Variants in PRKACB observed in about 807,000 individuals in gnomAD.
The protein encoded by PRKACB is cAMP-dependent protein kinase catalytic subunit beta.
Under a neutral mutation model 51.4 loss-of-function variants are expected in PRKACB, and 16 were observed. That is an observed-to-expected ratio of 0.31 (90% CI 0.21 to 0.47). PRKACB has a LOEUF of 0.47. Ranked by LOEUF, PRKACB falls within the 20% of genes least tolerant of loss-of-function variation. The pLI, the probability that PRKACB is intolerant of heterozygous loss-of-function variation, is 1.00. For missense variants in PRKACB, 309 were observed against 464.5 expected (o/e 0.67, Z 3.08); for synonymous variants, 147 against 154.4 (o/e 0.95, Z 0.35).
intron 1 of PRKACB, among the ~76,000 whole-genome samples, chr1:84,125,810 C>T (rs1387562557): frequency 1.3e-5 from 2 of 152,134 alleles, no homozygotes; most frequent in Admixed American, 6.5e-5. Context: ...TTGAAATCTC[C>T]ATTTGTATGT....
At chr1:84,102,315 A>G (rs1030880814) in intron 1 of PRKACB, among the ~76,000 whole-genome samples, 4 of 152,100 alleles carry the variant, frequency 2.6e-5, no homozygotes, top group Non-Finnish European at 5.9e-5. Context: ...TGAATCTGGG[A>G]GGCGGAGGTT....
chr1:84,202,955 G>T, intron 8 of PRKACB, 150 bp downstream of exon 8: 1 of 741,818 alleles, frequency 1.3e-6, no homozygotes, highest in African/African-American at 1.8e-5. Flanking sequence ...CATAAGAATT[G>T]AATCATTTCA....
intron 9 of PRKACB, among the ~76,000 whole-genome samples, chr1:84,233,536 C>A: frequency 2.6e-5 from 3 of 117,092 alleles, no homozygotes; most frequent in African/African-American, 1.0e-4. Flanking sequence ...TTCTCCCCAT[C>A]ACTTTCAGGT....
Position 84,080,614 on chromosome 1 carries a change from G to A in PRKACB, c.46+2243G>A, listed in dbSNP as rs183680816. ...GTTATCAGGTATATGTTGCTGTTCT[G>A]TAGTGAACAAAGAAATTGTATTTTA... On this transcript the variant is annotated intron_variant, in intron 1 of 8. Transcript: ENST00000370688. Among the ~76,000 whole-genome samples the A allele has an allele frequency of 2.6e-5, 4 of 152,290 alleles. No homozygotes were observed. The East Asian group carries it at 7.7e-4, about 29-fold the overall frequency.
chr1:84,078,275 G>GGCCCCA (rs1198775464), exon 1 of PRKACB: 1 of 1,537,518 alleles, frequency 6.5e-7, no homozygotes, highest in South Asian at 1.2e-5. Context: ...TGGCGGGCAC[G>GGCCCCA]GCCCCAGCCC....
intron 1 of PRKACB, among the ~76,000 whole-genome samples, chr1:84,139,012 GA>G (rs1193431812): frequency 2.7e-5 from 4 of 150,222 alleles, no homozygotes; most frequent in Admixed American, 1.3e-4. Flanking sequence ...ACTAACCCAG[GA>G]AAAAAAAAGG....
chr1:84,144,541 C>T lies in PRKACB; in HGVS notation c.180C>T (p.Asp60=), dbSNP rs764442698. ...LHFSEHTALW[D]RSMKEFLAKA... The stretch of plus-strand genomic sequence containing the variant: ...TCTCTGAACATACTGCCTTATGGGA[C>T]AGATCAAGTAAGTTTTGTTTTTTAA... Residue 60 remains aspartate (D), a synonymous_variant, in exon 1 of 10, where the codon GAC becomes GAT. Transcript: ENST00000370685. 6.3e-7 allele frequency: 1 copy of T among 1,579,612 alleles called. No individual in the cohort carries two copies. The highest frequency in any genetic ancestry group is 1.2e-5 in the South Asian group (1 of 85,204).
intron 9 of PRKACB, among the ~76,000 whole-genome samples, chr1:84,231,487 G>T (rs1436635103): frequency 6.6e-6 from 1 of 152,222 alleles, no homozygotes. Context: ...AATAGTTTCA[G>T]AAGGAATGGT....
intron 1 of PRKACB, among the ~76,000 whole-genome samples, chr1:84,116,241 T>C (rs1275035124): frequency 6.6e-6 from 1 of 152,176 alleles, no homozygotes; most frequent in Non-Finnish European, 1.5e-5. Context: ...GTTTGGGTTA[T>C]TATAGCCTTC....
chr1:84,132,274 G>C (rs1652308498), intron 1 of PRKACB, among the ~76,000 whole-genome samples: 1 of 118,270 alleles, frequency 8.5e-6, no homozygotes, highest in Non-Finnish European at 2.1e-5. Flanking sequence ...AGAGTTGCAA[G>C]AATGGACTCT....
At chr1:84,171,527 T>C (rs772890812) in intron 1 of PRKACB, among the ~76,000 whole-genome samples, 23 of 151,626 alleles carry the variant, frequency 1.5e-4, no homozygotes, top group Non-Finnish European at 3.0e-4. Flanking sequence ...TTCCAGAGCA[T>C]TGAAAAAGAG....
At chr1:84,148,812 T>C (rs1474811793) in intron 1 of PRKACB, among the ~76,000 whole-genome samples, 1 of 152,208 alleles carries the variant, frequency 6.6e-6, no homozygotes, top group Non-Finnish European at 1.5e-5. Flanking sequence ...AATCATTCCA[T>C]GAGCCATTTA....
At chr1:84,130,503 A>G (rs1217894903) in intron 1 of PRKACB, among the ~76,000 whole-genome samples, 1 of 152,218 alleles carries the variant, frequency 6.6e-6, no homozygotes, top group African/African-American at 2.4e-5. Flanking sequence ...TAATAAAGGG[A>G]AAAGAGCCTT....
chr1:84,196,767 A>G (rs1668335282), intron 6 of PRKACB, 25 bp downstream of exon 6: 2 of 1,602,890 alleles, frequency 1.2e-6, no homozygotes, highest in South Asian at 2.2e-5. Context: ...CATTATGTGT[A>G]CTGTATATGA....
intron 1 of PRKACB, among the ~76,000 whole-genome samples, chr1:84,097,315 TATCTACATTA>T (rs1348054469): frequency 6.8e-6 from 1 of 147,788 alleles, no homozygotes; most frequent in Non-Finnish European, 1.5e-5. Context: ...TAGTAGATAG[TATCTACATTA>T]GTAGATACTA....
At position 84,236,265 on chromosome 1, in the gene PRKACB, A is replaced by T. The variant is rs1676651191; in HGVS notation, c.*960A>T. 1 of 152,644 alleles carries T rather than the reference A, an allele frequency of 6.6e-6. No individual in the cohort carries two copies. The allele number at this position is 152,644 out of a possible 1,614,324, so 9.5% of individuals were successfully genotyped here. ...GGAAAATAAGCAAACTAAAAAGAACATTGGTTTAGATAAATACTTATACTT... is the reference window on the plus strand; with the variant it reads ...GGAAAATAAGCAAACTAAAAAGAACTTTGGTTTAGATAAATACTTATACTT... On this transcript the variant is annotated 3_prime_UTR_variant, in exon 10 of 10. Transcript: ENST00000370685.
chr1:84,130,189 CAAAAAAAAAAA>C (rs71097833), intron 1 of PRKACB, among the ~76,000 whole-genome samples: 3 of 56,184 alleles, frequency 5.3e-5, no homozygotes, highest in African/African-American at 2.2e-4. Flanking sequence ...GACTCCGTCT[CAAAAAAAAAAA>C]AAAAAAAAAA....
At chr1:84,176,552 T>C (rs1661330598) in intron 1 of PRKACB, among the ~76,000 whole-genome samples, 1 of 151,834 alleles carries the variant, frequency 6.6e-6, no homozygotes, top group Non-Finnish European at 1.5e-5. Flanking sequence ...TCTTTGCATC[T>C]ACATAGTACA....
At chr1:84,196,795 C>T in intron 6 of PRKACB, 53 bp downstream of exon 6, 7 of 1,507,256 alleles carry the variant, frequency 4.6e-6, no homozygotes, top group Non-Finnish European at 6.3e-6. Flanking sequence ...CTAGGCAAGA[C>T]ATTGTATGTA....
Sources: allele counts gnomAD v4.1 joint callset (sites outside exome capture counted in the v4.1 genomes callset), GRCh38; gene constraint gnomAD v4.1.1; transcripts MANE v1.5; gene names NCBI Gene and HGNC (gene_info 2026-07-23, HGNC 2026-07-21).